Variants in SLC35E3 observed in about 807,000 individuals in gnomAD.
SLC35E3 encodes solute carrier family 35 member E3.
SLC35E3 carries 28 observed loss-of-function variants against 30.8 expected under a neutral mutation model. The observed-to-expected ratio is 0.91, with a 90% CI of 0.67 to 1.25. The LOEUF (loss-of-function observed/expected upper bound fraction) is 1.25. SLC35E3 is among the 50% of genes most tolerant of loss of function. The probability of loss-of-function intolerance (pLI) is 0.00; values close to 1 mark genes in which losing one functional copy is unlikely to be tolerated. For synonymous variants in SLC35E3, 146 were observed against 149.2 expected, an observed-to-expected ratio of 0.98 and a Z score of 0.16; for missense variants, 365 against 375.4, an observed-to-expected ratio of 0.97 and a Z score of 0.23.
chr12:68,754,691 C>G (rs542198403), intron 3 of SLC35E3, among the ~76,000 whole-genome samples: 1 of 152,102 alleles, frequency 6.6e-6, no homozygotes, highest in South Asian at 2.1e-4. Context: ...TTCTCATGTA[C>G]TGATAACTTT....
In SLC35E3 at chr12:68,769,584, G is replaced by T. The variant is rs997804278; in HGVS notation, c.*4694G>T. 2.0e-5 allele frequency: 3 copies of T among 152,068 alleles called. No individual in the cohort carries two copies. Among genetic ancestry groups the T allele is most frequent in the Admixed American group, 1.3e-4 (2 of 15,250 alleles). 9.4% of individuals were successfully genotyped at this position (152,068 alleles called of 1,614,324 possible). On this transcript the variant is annotated 3_prime_UTR_variant, in exon 5 of 5. Coordinates refer to ENST00000398004, the MANE Select transcript of SLC35E3 (RefSeq NM_018656.5). ...TGAGGCTGGAGAATCCCTTGAACTT[G>T]GGAGGCGGAGGTTTCAGTGAGCCAA...
At chr12:68,754,006 C>T (rs2136070670) in intron 3 of SLC35E3, among the ~76,000 whole-genome samples, 1 of 152,132 alleles carries the variant, frequency 6.6e-6, no homozygotes, top group African/African-American at 2.4e-5. Context: ...ACCACCACGC[C>T]CAGCTAATTT....
At chr12:68,753,090 G>A (rs1355611211) in intron 3 of SLC35E3, among the ~76,000 whole-genome samples, 2 of 142,722 alleles carry the variant, frequency 1.4e-5, no homozygotes, top group East Asian at 4.1e-4. Context: ...GAGGTGCAGT[G>A]AGCTGGGATC....
At chr12:68,753,036 C>T (rs548862315) in intron 3 of SLC35E3, among the ~76,000 whole-genome samples, 37 of 150,494 alleles carry the variant, frequency 2.5e-4, no homozygotes, top group Non-Finnish European at 4.4e-4. Flanking sequence ...ATCCCAGCTA[C>T]TCAAGGAGGC....
rs779453829 is a variant in SLC35E3, at chr12:68,752,092, G to C, written c.574G>C (p.Ala192Pro). The C allele has an allele frequency of 2.4e-5, 38 of 1,613,700 alleles. No individual in the cohort carries two copies. The highest frequency in any genetic ancestry group is 3.1e-5 in the Non-Finnish European group (36 of 1,179,888). ...VNSMQLLYYQ[A>P]PMSSAMLLVA... ...CTCAATGCAGCTGCTGTACTACCAG[G>C]CTCCGATGTCATCTGCCATGTTGCT... Residue 192 changes from alanine to proline, a missense_variant, in exon 3 of 5, where the codon GCT becomes CCT. Physicochemically the swap from Ala to Pro is conservative, Grantham distance 27 (BLOSUM62 -1). Transcript: ENST00000398004.
rs59850555 is a variant in SLC35E3 at position 68,769,379 on chromosome 12, G to A, written c.*4489G>A. On this transcript the variant is annotated 3_prime_UTR_variant, in exon 5 of 5. Coordinates refer to ENST00000398004, the MANE Select transcript of SLC35E3 (RefSeq NM_018656.5). Reference sequence around the variant, plus strand: ...GATTAAAAGAAAGGAGACCTTGGCCGGGCACGGTGGCTCACGCCTGTAATC... The same window carrying A: ...GATTAAAAGAAAGGAGACCTTGGCCAGGCACGGTGGCTCACGCCTGTAATC... 15,849 of 152,022 alleles carry A rather than the reference G, an allele frequency of 0.1. 905 individuals carry two copies. The highest frequency in any genetic ancestry group is 0.23 in the East Asian group (1,197 of 5,126). 9.4% of individuals were successfully genotyped at this position (152,022 alleles called of 1,614,324 possible).
At chr12:68,761,615 C>T (rs1879235151) in intron 4 of SLC35E3, among the ~76,000 whole-genome samples, 2 of 152,102 alleles carry the variant, frequency 1.3e-5, no homozygotes, top group Non-Finnish European at 2.9e-5. Context: ...AAAATGCCTC[C>T]AAAGATTGCC....
At chr12:68,759,797 T>C (rs865974276) in intron 4 of SLC35E3, among the ~76,000 whole-genome samples, 1 of 152,202 alleles carries the variant, frequency 6.6e-6, no homozygotes, top group Non-Finnish European at 1.5e-5. Context: ...GGTGACCTTT[T>C]CCCTTACAAA....
intron 4 of SLC35E3, among the ~76,000 whole-genome samples, chr12:68,762,920 G>A (rs537990881): frequency 1.3e-5 from 2 of 152,168 alleles, no homozygotes; most frequent in South Asian, 2.1e-4. Context: ...TTGGAGGTCA[G>A]ACAGGTCCAG....
At chr12:68,756,136 T>C (rs1039932816) in intron 3 of SLC35E3, among the ~76,000 whole-genome samples, 1 of 152,086 alleles carries the variant, frequency 6.6e-6, no homozygotes, top group Non-Finnish European at 1.5e-5. Flanking sequence ...GTAGAGGTCA[T>C]TGGACCATCT....
At position 68,770,886 on chromosome 12, in the gene SLC35E3, G is replaced by A. The variant is rs1445510035; in HGVS notation, c.*5996G>A. The A allele has an allele frequency of 1.7e-5, 3 of 179,502 alleles. No homozygotes were observed. Among genetic ancestry groups the A allele is most frequent in the African/African-American group, 7.2e-5 (3 of 41,896 alleles). 11.1% of individuals were successfully genotyped at this position (179,502 alleles called of 1,614,324 possible). ...GATTTGCGCAGCTTGATAGAGAATG[G>A]TGCCATTCTCTGAACTAGGAAACAC... is the stretch of plus-strand genomic sequence containing the variant. On this transcript the variant is annotated 3_prime_UTR_variant, in exon 5 of 5. Coordinates refer to ENST00000398004, the MANE Select transcript of SLC35E3 (RefSeq NM_018656.5).
chr12:68,746,305 T>C lies in SLC35E3; in HGVS notation c.-73T>C, dbSNP rs1411659288. The C allele has an allele frequency of 1.4e-6, 2 of 1,448,494 alleles. No homozygotes were observed. The highest frequency in any genetic ancestry group is 1.8e-6 in the Non-Finnish European group (2 of 1,084,266). The allele number at this position is 1,448,494 out of a possible 1,614,324, so 89.7% of individuals were successfully genotyped here. Reference sequence around the variant, plus strand: ...GTCGGCGTCTGCGAGGACGCGGCGGTGGAGTAGAAGGGCAGCCGGAGACAG... The same window carrying C: ...GTCGGCGTCTGCGAGGACGCGGCGGCGGAGTAGAAGGGCAGCCGGAGACAG... On this transcript the variant is annotated 5_prime_UTR_variant, in exon 1 of 5. Transcript: ENST00000398004.
At chr12:68,747,558 G>T (rs1878639201) in intron 1 of SLC35E3, among the ~76,000 whole-genome samples, 1 of 152,166 alleles carries the variant, frequency 6.6e-6, no homozygotes, top group Non-Finnish European at 1.5e-5. Context: ...GTGAGCCACC[G>T]TGCCTGGCCT....
At position 68,765,043 on chromosome 12, in the gene SLC35E3, G is replaced by A; in HGVS notation, c.*153G>A. ...AGGCCAAGGCCAGCGGATCACTTGA[G>A]GTCAGGAGTTCGAGACCAGCCTGAC... On this transcript the variant is annotated 3_prime_UTR_variant, in exon 5 of 5. Transcript: ENST00000398004. 1.7e-6 allele frequency: 1 copy of A among 603,854 alleles called. No homozygotes were observed. The highest frequency in any genetic ancestry group is 2.8e-6 in the Non-Finnish European group (1 of 359,894). 37.4% of individuals were successfully genotyped at this position (603,854 alleles called of 1,614,324 possible).
At position 68,772,632 on chromosome 12, in the gene SLC35E3, A is replaced by G. The variant is rs551656290; in HGVS notation, c.*7742A>G. 6.6e-6 allele frequency: 1 copy of G among 152,306 alleles called. No individual in the cohort carries two copies. The highest frequency in any genetic ancestry group is 1.9e-4 in the East Asian group (1 of 5,178). The allele number at this position is 152,306 out of a possible 1,614,324, so 9.4% of individuals were successfully genotyped here. On this transcript the variant is annotated 3_prime_UTR_variant, in exon 5 of 5. Transcript: ENST00000398004. ...AAACTATAGTAATTCACATTTTTCC[A>G]TTTAACTAAAAATGTCTCGTAACTA... is the stretch of plus-strand genomic sequence containing the variant.
chr12:68,760,341 T>A (rs1187704555), intron 4 of SLC35E3: 1 of 152,218 alleles, frequency 6.6e-6, no homozygotes, highest in Non-Finnish European at 1.5e-5. Flanking sequence ...AAGTAGGATA[T>A]TTGCCAACTA....
rs973427306 is a variant in SLC35E3 at position 68,769,702 on chromosome 12, T to C, written c.*4812T>C. ...GAAAGGAGACCGGATTTATTAGATG[T>C]GGTCCGTTTTGTCTTTCTGTTCCCA... On this transcript the variant is annotated 3_prime_UTR_variant, in exon 5 of 5. Transcript: ENST00000398004. 11 of 152,172 alleles carry C rather than the reference T, an allele frequency of 7.2e-5. No individual in the cohort carries two copies. The highest frequency in any genetic ancestry group is 4.6e-4 in the Admixed American group (7 of 15,270). The allele number at this position is 152,172 out of a possible 1,614,324, so 9.4% of individuals were successfully genotyped here. A position where few individuals can be genotyped will look rare whatever the true frequency, so the allele number is the denominator to read the frequency against.
chr12:68,758,802 C>T (rs941289638), intron 3 of SLC35E3, among the ~76,000 whole-genome samples: 3 of 113,738 alleles, frequency 2.6e-5, no homozygotes, highest in East Asian at 3.1e-4. Context: ...AGTGCAGTGG[C>T]GTGATCTCGG....
At position 68,770,664 on chromosome 12, in the gene SLC35E3, ATC is replaced by A. The variant is rs1469855693; in HGVS notation, c.*5778_*5779del. Reference sequence around the variant, plus strand: ...GCCTGGGCAAACATGATGAAACCCCATCTCTACAAAGAATACAAAATTAGCTG... The same window carrying A: ...GCCTGGGCAAACATGATGAAACCCCATCTACAAAGAATACAAAATTAGCTG... On this transcript the variant is annotated 3_prime_UTR_variant, in exon 5 of 5. Transcript: ENST00000398004. 1 of 151,938 alleles carries A rather than the reference ATC, an allele frequency of 6.6e-6. No homozygotes were observed. Among genetic ancestry groups the A allele is most frequent in the Non-Finnish European group, 1.5e-5 (1 of 68,104 alleles). The allele number at this position is 151,938 out of a possible 1,614,324, so 9.4% of individuals were successfully genotyped here. A position where few individuals can be genotyped will look rare whatever the true frequency, so the allele number is the denominator to read the frequency against.
Sources: allele counts gnomAD v4.1 joint callset (sites outside exome capture counted in the v4.1 genomes callset), GRCh38; gene constraint gnomAD v4.1.1; transcripts MANE v1.5; gene names NCBI Gene and HGNC (gene_info 2026-07-23, HGNC 2026-07-21).